STARD8: variants seen among roughly 807,000 people sequenced by gnomAD.
The protein encoded by STARD8 is stAR-related lipid transfer protein 8.
A neutral mutation model predicts 69.4 loss-of-function variants in STARD8; 25 were observed. The ratio of observed to expected loss-of-function variants is 0.36; its 90% confidence interval spans 0.26 to 0.50. The LOEUF (loss-of-function observed/expected upper bound fraction) is 0.50. Ranked by LOEUF, STARD8 falls within the 20% of genes least tolerant of loss-of-function variation. The pLI is 0.96. For missense variants in STARD8, 921 were observed against 932.5 expected, an observed-to-expected ratio of 0.99 and a Z score of 0.16; for synonymous variants, 389 against 374.6, an observed-to-expected ratio of 1.04 and a Z score of -0.45.
rs753451013 is a variant in STARD8, at chrX:68,703,119, A to G, written c.80-9795A>G. On this transcript the variant is annotated intron_variant, in intron 2 of 14. Coordinates refer to ENST00000374599, the MANE Select transcript of STARD8 (RefSeq NM_001142503.3). ...TATAAAAAATACAAAAATTAGCTGG[A>G]CATGGTGGTGCACGCCTGTAGTCCC... Among the ~76,000 whole-genome samples, 616 of 111,208 alleles carry G rather than the reference A, an allele frequency of 5.5e-3. 3 individuals carry two copies. The highest frequency in any genetic ancestry group is 0.019 in the African/African-American group (595 of 30,563).
chrX:68,706,388 AGG>A (rs1020366889), intron 2 of STARD8, among the ~76,000 whole-genome samples: 1 of 111,880 alleles, frequency 8.9e-6, no homozygotes, highest in Middle Eastern at 4.2e-3. Context: ...GAGCAGAGAG[AGG>A]CACCAGTGAA....
intron 2 of STARD8, among the ~76,000 whole-genome samples, chrX:68,667,874 A>G (rs1443772595): frequency 9.0e-6 from 1 of 111,032 alleles, no homozygotes; most frequent in African/African-American, 3.3e-5. Context: ...CCGAACCTCA[A>G]TGTTCTCATC....
chrX:68,680,562 C>G (rs1334353477), intron 2 of STARD8, among the ~76,000 whole-genome samples: 2 of 112,667 alleles, frequency 1.8e-5, no homozygotes, highest in Non-Finnish European at 3.8e-5. Flanking sequence ...AGCAGCTTTT[C>G]TTTCTGGCAA....
At chrX:68,688,971 C>T (rs1196701275) in intron 2 of STARD8, among the ~76,000 whole-genome samples, 1 of 103,470 alleles carries the variant, frequency 9.7e-6, no homozygotes, top group African/African-American at 3.6e-5. Context: ...CAGGGCCCAC[C>T]CCATTTTTTC....
chrX:68,703,099 A>C (rs922323900), intron 2 of STARD8, among the ~76,000 whole-genome samples: 1 of 110,972 alleles, frequency 9.0e-6, no homozygotes, highest in African/African-American at 3.3e-5. Context: ...CAAAATATAA[A>C]AAATACAAAA....
At chrX:68,704,401 T>C (rs942253153) in intron 2 of STARD8, among the ~76,000 whole-genome samples, 6 of 111,210 alleles carry the variant, frequency 5.4e-5, no homozygotes, top group African/African-American at 2.0e-4. Flanking sequence ...GGGAGCTCTT[T>C]AGGTTGTAGA....
chrX:68,724,204 A>G, intron 14 of STARD8, 83 bp downstream of exon 14: 4 of 1,170,486 alleles, frequency 3.4e-6, no homozygotes, highest in South Asian at 1.9e-5. Flanking sequence ...GCCCCATGCT[A>G]TTGATCCCTG....
chrX:68,690,225 T>A (rs1163959857), intron 2 of STARD8, among the ~76,000 whole-genome samples: 1 of 110,556 alleles, frequency 9.0e-6, no homozygotes, highest in Non-Finnish European at 1.9e-5. Context: ...CTGAGTGTAA[T>A]TCATTTTCCC....
chrX:68,713,298 G>A (rs1012395454), intron 3 of STARD8, among the ~76,000 whole-genome samples: 2 of 112,549 alleles, frequency 1.8e-5, no homozygotes, highest in African/African-American at 3.2e-5. Context: ...GAAGAATGCC[G>A]CCTGGAGTTG....
chrX:68,702,033 T>G (rs892495200), intron 2 of STARD8, among the ~76,000 whole-genome samples: 3 of 111,746 alleles, frequency 2.7e-5, no homozygotes, highest in Admixed American at 9.5e-5. Flanking sequence ...CCAGCTCCAT[T>G]GCTTCAGGGC....
intron 2 of STARD8, among the ~76,000 whole-genome samples, chrX:68,689,140 T>TG (rs2079856329): frequency 9.5e-6 from 1 of 105,213 alleles, no homozygotes; most frequent in African/African-American, 3.5e-5. Flanking sequence ...CCTCTCTGCA[T>TG]GTTGTGACCT....
intron 2 of STARD8, among the ~76,000 whole-genome samples, chrX:68,675,133 T>A (rs145560946): frequency 0.011 from 1,181 of 110,212 alleles, 21 homozygotes; most frequent in African/African-American, 0.037. Flanking sequence ...AATTTTTGTA[T>A]TTTTAGTTGA....
At position 68,724,285 on chromosome X, in the gene STARD8, G is replaced by A. The variant is rs750880829; in HGVS notation, c.3195-20G>A. The A allele has an allele frequency of 1.2e-5, 15 of 1,202,531 alleles. No individual in the cohort carries two copies. The African/African-American group carries it at 2.1e-4, about 17-fold the overall frequency. ...GGGGAAAAATCCATTGCTCATGCCT[G>A]GTTTCTTCTGCTTCCCTAGGGGCCG... On this transcript the variant is annotated intron_variant, in intron 14 of 14. Transcript: ENST00000374599.
At chrX:68,650,665 A>T (rs1402616732) in intron 1 of STARD8, among the ~76,000 whole-genome samples, 1 of 110,306 alleles carries the variant, frequency 9.1e-6, no homozygotes, top group African/African-American at 3.3e-5. Context: ...TTAGTCAGGC[A>T]TGGTGATGCA....
Position 68,722,307 on chromosome X carries a change from C to A in STARD8, c.2575-115C>A, listed in dbSNP as rs771059425. 1.0e-3 allele frequency: 866 copies of A among 848,504 alleles called. 1 individual carries two copies. The highest frequency in any genetic ancestry group is 6.6e-3 in the South Asian group (258 of 38,964). 69.9% of individuals were successfully genotyped at this position (848,504 alleles called of 1,213,427 possible). A position where few individuals can be genotyped will look rare whatever the true frequency, so the allele number is the denominator to read the frequency against. On this transcript the variant is annotated intron_variant, in intron 11 of 14. Transcript: ENST00000374599. ...CCAACTCTTCCCCCACAATGTTTCTCATCTACCTTGCTGTGGTAGCTGCAC... is the reference window on the plus strand; with the variant it reads ...CCAACTCTTCCCCCACAATGTTTCTAATCTACCTTGCTGTGGTAGCTGCAC...
At chrX:68,687,433 A>C (rs2079841197) in intron 2 of STARD8, among the ~76,000 whole-genome samples, 1 of 112,210 alleles carries the variant, frequency 8.9e-6, no homozygotes, top group Non-Finnish European at 1.9e-5. Context: ...TTCTGAGCTC[A>C]AACAACCCTC....
intron 2 of STARD8, among the ~76,000 whole-genome samples, chrX:68,667,473 C>T (rs181063045): frequency 2.7e-5 from 3 of 112,141 alleles, no homozygotes; most frequent in Non-Finnish European, 5.6e-5. Flanking sequence ...GTGAGCAGAA[C>T]GCTTCATCTG....
At chrX:68,693,310 C>T (rs2079890467) in intron 2 of STARD8, among the ~76,000 whole-genome samples, 2 of 112,875 alleles carry the variant, frequency 1.8e-5, no homozygotes, top group South Asian at 7.3e-4. Context: ...CCGAGCAAGT[C>T]ACTGAACCCT....
At position 68,698,192 on chromosome X, in the gene STARD8, A is replaced by G. The variant is rs191141837; in HGVS notation, c.80-14722A>G. 3.9e-4 allele frequency among the ~76,000 whole-genome samples: 43 copies of G among 111,501 alleles called. 1 individual carries two copies. The South Asian group carries it at 0.016, about 40-fold the overall frequency. The stretch of plus-strand genomic sequence containing the variant: ...CGGAAGCAGTTATTCACACCATTTG[A>G]AGGACATGGGTTCAGCTTGGATGGT... On this transcript the variant is annotated intron_variant, in intron 2 of 14. Coordinates refer to ENST00000374599, the MANE Select transcript of STARD8 (RefSeq NM_001142503.3).
Sources: gnomAD v4.1 joint callset for allele counts (sites outside exome capture counted in the v4.1 genomes callset) on GRCh38, gnomAD v4.1.1 for gene constraint, MANE v1.5 for transcripts, NCBI Gene and HGNC (gene_info 2026-07-23, HGNC 2026-07-21) for gene names.